Variants in NPHP3 observed in about 807,000 individuals in gnomAD.
NPHP3 encodes nephrocystin-3.
Under a neutral mutation model 171.9 loss-of-function variants are expected in NPHP3, and 123 were observed. The observed-to-expected ratio is 0.72, with a 90% confidence interval of 0.62 to 0.83. The LOEUF (loss-of-function observed/expected upper bound fraction) is 0.83. NPHP3 is among the 40% of genes least tolerant of loss of function. The pLI, the probability that NPHP3 is intolerant of heterozygous loss-of-function variation, is 0.00. For synonymous variants in NPHP3, 558 were observed against 579.2 expected, an observed-to-expected ratio of 0.96 and a Z score of 0.52; for missense variants, 1,506 against 1,591.9, an observed-to-expected ratio of 0.95 and a Z score of 0.92.
At chr3:132,690,501 G>A (rs1194572317) in intron 19 of NPHP3, 27 bp downstream of exon 19, 3 of 1,599,236 alleles carry the variant, frequency 1.9e-6, no homozygotes, top group South Asian at 2.2e-5. Context: ...CTCTTTCTGG[G>A]GAAAGATGTT....
rs562721694 is a variant in NPHP3 at position 132,713,263 on chromosome 3, T to G, written c.981A>C (p.Arg327Ser). Reference protein sequence around the residue: ...FLKDYSPKLKRMCETMGYFFH... With the variant: ...FLKDYSPKLKSMCETMGYFFH... ...AAAAATATCCCATTGTCTCGCACAT[T>G]CTCTTAAGTTTAGGTGAATAGTCCT... is the stretch of plus-strand genomic sequence containing the variant. The change falls in exon 6 of 27, where the codon AGA (arginine) becomes AGC (serine). Residue 327 changes from arginine (R) to serine (S), a missense_variant. Physicochemically the swap from Arg to Ser is moderately radical, Grantham distance 110 (BLOSUM62 -1). This residue lies in a region of NPHP3 where 930 missense variants were observed against 924.9 expected (regional missense o/e 1.01). Transcript: ENST00000337331. The G allele has an allele frequency of 1.7e-5, 27 of 1,602,570 alleles. No homozygotes were observed. The African/African-American group carries it at 2.4e-4, about 14-fold the overall frequency.
intron 6 of NPHP3, among the ~76,000 whole-genome samples, chr3:132,710,856 C>T (rs1038875237): frequency 2.0e-5 from 3 of 152,188 alleles, no homozygotes; most frequent in African/African-American, 7.2e-5. Context: ...GGCACAGTGC[C>T]TGTGCACCTC....
At chr3:132,689,597 A>G (rs537871477) in intron 19 of NPHP3, among the ~76,000 whole-genome samples, 12 of 152,216 alleles carry the variant, frequency 7.9e-5, no homozygotes, top group Non-Finnish European at 1.5e-4. Context: ...CTACTTACCA[A>G]TGGGAATCTA....
Position 132,719,800 on chromosome 3 carries a change from G to A in NPHP3, c.424C>T (p.Arg142Ter), listed in dbSNP as rs771742823. 4.4e-6 allele frequency: 7 copies of A among 1,596,410 alleles called. No individual in the cohort carries two copies. The East Asian group carries it at 1.1e-4, about 26-fold the overall frequency. The change falls in exon 2 of 27, where the codon CGA becomes TGA. Residue 142 changes from arginine (R) to a stop codon, truncating the protein, a stop_gained. Transcript: ENST00000337331. LOFTEE classifies it high-confidence loss of function. ...ALQKTYQKIL[R>*]EKESALEAKY... is the part of the protein sequence containing the mutation. ...GCTTCTAAAGCACTTTCTTTTTCTCGAAGTATCTTCTGATACGTTTTTTGA... is the reference window on the plus strand; with the variant it reads ...GCTTCTAAAGCACTTTCTTTTTCTCAAAGTATCTTCTGATACGTTTTTTGA...
chr3:132,685,083 T>C, intron 23 of NPHP3: 1 of 360,866 alleles, frequency 2.8e-6, no homozygotes, highest in East Asian at 6.1e-5. Context: ...TAAAAATTAT[T>C]AGACCTAGGT....
chr3:132,707,269 C>T lies in NPHP3; in HGVS notation c.1275+832G>A, dbSNP rs187345089. On this transcript the variant is annotated intron_variant, in intron 7 of 26. Transcript: ENST00000337331. ...CACTATAAAAAGTCTCCTCCTGCAG[C>T]GTGGACAACATAATAAGTCCCCATC... Among the ~76,000 whole-genome samples, 9 of 152,266 alleles carry T rather than the reference C, an allele frequency of 5.9e-5. No individual in the cohort carries two copies. The East Asian group carries it at 1.4e-3, about 23-fold the overall frequency.
intron 13 of NPHP3, among the ~76,000 whole-genome samples, chr3:132,698,888 C>A (rs546926599): frequency 6.6e-6 from 1 of 152,176 alleles, no homozygotes; most frequent in Admixed American, 6.5e-5. Flanking sequence ...TATCTAACCT[C>A]CCCCCAAATC....
chr3:132,692,599 G>C (rs1473957056), intron 17 of NPHP3, 55 bp downstream of exon 17: 6 of 1,510,120 alleles, frequency 4.0e-6, no homozygotes, highest in Non-Finnish European at 9.2e-7. Context: ...CTGGGTGACA[G>C]AGAAGACCCT....
chr3:132,686,484 C>T, intron 22 of NPHP3, 97 bp from the exon 23 acceptor site: 3 of 1,360,658 alleles, frequency 2.2e-6, no homozygotes, highest in South Asian at 2.4e-5. Context: ...TTCCTTTTTT[C>T]CCATTTAATC....
intron 2 of NPHP3, 26 bp downstream of exon 2, chr3:132,719,679 T>TG: frequency 6.7e-7 from 1 of 1,487,062 alleles, no homozygotes; most frequent in Non-Finnish European, 9.1e-7. Flanking sequence ...TATGTTGCTT[T>TG]GGGGGTAAAA....
intron 23 of NPHP3, chr3:132,685,049 T>G (rs1325471470): frequency 4.4e-6 from 2 of 452,818 alleles, no homozygotes; most frequent in Admixed American, 6.9e-5. Context: ...TGATAGATAT[T>G]TTCCAAAACA....
intron 14 of NPHP3, among the ~76,000 whole-genome samples, chr3:132,697,026 C>T (rs537249062): frequency 6.6e-6 from 1 of 152,296 alleles, no homozygotes; most frequent in East Asian, 1.9e-4. Context: ...TGCTCTTTTG[C>T]TTTTAAAATA....
Position 132,696,789 on chromosome 3 carries a change from G to C in NPHP3, c.2113C>G (p.Arg705Gly), listed in dbSNP as rs776393897. 1.9e-6 allele frequency: 3 copies of C among 1,613,974 alleles called. No individual in the cohort carries two copies. The highest frequency in any genetic ancestry group is 1.7e-6 in the Non-Finnish European group (2 of 1,179,928). Residue 705 changes from arginine (R) to glycine (G), a missense_variant, in exon 15 of 27, where the codon CGT (arginine) becomes GGT (glycine). Coordinates refer to ENST00000337331, the MANE Select transcript of NPHP3 (RefSeq NM_153240.5). ...AGGGCATTGCAGGTTGTAGCAGAAC[G>C]ACAGTGTCGTTCTAGCTTCTTCTCC... ...EQEKKLERHC[R>G]SATTCNALYV...
rs757964370 is a variant in NPHP3, at chr3:132,682,070, T to A, written c.3833A>T (p.Glu1278Val). The part of the protein sequence containing the change: ...AVLSYEGGDF[E>V]KAAELYKRAM... The stretch of plus-strand genomic sequence containing the variant: ...CCTTTTGTATAATTCAGCAGCTTTT[T>A]CAAAATCTCCTCCTTCATAGCTTTG... Residue 1278 changes from glutamate to valine, a missense_variant, in exon 27 of 27, where the codon GAA (glutamate) becomes GTA (valine). Physicochemically the swap from Glu to Val is moderately radical, Grantham distance 121. Coordinates refer to ENST00000337331, the MANE Select transcript of NPHP3 (RefSeq NM_153240.5). The A allele has an allele frequency of 7.4e-6, 12 of 1,614,066 alleles. 1 individual carries two copies. The Middle Eastern group carries it at 1.3e-3, about 178-fold the overall frequency.
chr3:132,705,043 A>G (rs1939709505), intron 8 of NPHP3, among the ~76,000 whole-genome samples: 1 of 152,194 alleles, frequency 6.6e-6, no homozygotes, highest in African/African-American at 2.4e-5. Flanking sequence ...CTTCTCAAAT[A>G]GGGTTTTTGG....
At chr3:132,704,520 A>G in intron 8 of NPHP3, 149 bp from the exon 9 acceptor site, 4 of 632,590 alleles carry the variant, frequency 6.3e-6, no homozygotes, top group Non-Finnish European at 1.1e-5. Context: ...GAATAAACTG[A>G]TAACTACAAA....
Position 132,688,102 on chromosome 3 carries a change from G to T in NPHP3, c.3125+548C>A, listed in dbSNP as rs1014780907. Reference sequence around the variant, plus strand: ...TGCTCCAAAATCAGAAGCTTTTTGAGTGCTGTCATGATGCCACAAGTGGAA... The same window carrying T: ...TGCTCCAAAATCAGAAGCTTTTTGATTGCTGTCATGATGCCACAAGTGGAA... On this transcript the variant is annotated intron_variant, in intron 21 of 26. Transcript: ENST00000337331. 2.0e-5 allele frequency among the ~76,000 whole-genome samples: 3 copies of T among 152,150 alleles called. No individual in the cohort carries two copies. The East Asian group carries it at 5.8e-4, about 29-fold the overall frequency.
In NPHP3 at chr3:132,701,521, G is replaced by A. The variant is rs1250547107; in HGVS notation, c.1537C>T (p.Leu513Phe). Residue 513 changes from leucine to phenylalanine, a missense_variant, in exon 10 of 27, where the codon CTT becomes TTT. Leu to Phe is a conservative substitution (Grantham distance 22, BLOSUM62 0). Around this residue, in one of 3 missense-constraint regions of NPHP3, gnomAD observed 930 missense variants for 924.9 expected, o/e 1.01. Coordinates refer to ENST00000337331, the MANE Select transcript of NPHP3 (RefSeq NM_153240.5). ...ELGFEKYYQRLNDLVAAPAPI... is the reference protein window; with the variant it reads ...ELGFEKYYQRFNDLVAAPAPI... Reference sequence around the variant, plus strand: ...GCTGGTGCTGCCACTAGATCATTAAGGCGTTGGTAATACTAGAAAAAAAAA... The same window carrying A: ...GCTGGTGCTGCCACTAGATCATTAAAGCGTTGGTAATACTAGAAAAAAAAA... The A allele has an allele frequency of 3.1e-6, 5 of 1,612,196 alleles. No individual in the cohort carries two copies. The highest frequency in any genetic ancestry group is 3.3e-5 in the Admixed American group (2 of 60,000).
chr3:132,719,027 A>G lies in NPHP3; in HGVS notation c.637T>C (p.Ser213Pro). ...QGIQVFDPGE[S>P]DSDDNCTDVT... ...TCTGTACAGTTGTCATCTGAATCAG[A>G]CTCCCCAGGATCAAATACTTGGATA... is the stretch of plus-strand genomic sequence containing the variant. Residue 213 changes from serine to proline, a missense_variant, in exon 3 of 27, where the codon TCT becomes CCT. Physicochemically the swap from Ser to Pro is moderately conservative, Grantham distance 74 (BLOSUM62 -1). Coordinates refer to ENST00000337331, the MANE Select transcript of NPHP3 (RefSeq NM_153240.5). 1 of 1,613,840 alleles carries G rather than the reference A, an allele frequency of 6.2e-7. No homozygotes were observed. The highest frequency in any genetic ancestry group is 8.5e-7 in the Non-Finnish European group (1 of 1,179,944).
Sources: allele counts gnomAD v4.1 joint callset (sites outside exome capture counted in the v4.1 genomes callset), GRCh38; gene constraint gnomAD v4.1.1; regional missense constraint gnomAD v4.1.1; transcripts MANE v1.5; gene names NCBI Gene and HGNC (gene_info 2026-07-23, HGNC 2026-07-21).